The following AMMECR1L variants were observed in gnomAD, a reference collection of about 807,000 sequenced individuals.
AMMECR1L encodes the protein AMMECR1 like.
Under a neutral mutation model 36.8 loss-of-function variants are expected in AMMECR1L, and 4 were observed. That is an observed-to-expected ratio of 0.11 (90% CI 0.05 to 0.25). AMMECR1L has a LOEUF of 0.25. Ranked by LOEUF, AMMECR1L falls within the 10% of genes least tolerant of loss-of-function variation. AMMECR1L has a pLI of 1.00. For synonymous variants in AMMECR1L, 147 were observed against 148.0 expected, an observed-to-expected ratio of 0.99 and a Z score of 0.05; for missense variants, 232 against 392.1, an observed-to-expected ratio of 0.59 and a Z score of 3.45.
chr2:127,880,340 T>C (rs1190008342), intron 2 of AMMECR1L, among the ~76,000 whole-genome samples: 2 of 152,142 alleles, frequency 1.3e-5, no homozygotes, highest in Non-Finnish European at 2.9e-5. Context: ...AAACTAGGTT[T>C]CCACCAGATG....
chr2:127,868,686 C>T (rs1257018510), intron 6 of AMMECR1L, among the ~76,000 whole-genome samples: 1 of 152,080 alleles, frequency 6.6e-6, no homozygotes, highest in African/African-American at 2.4e-5. Flanking sequence ...CTCGATCCAC[C>T]CTACCTTTAA....
chr2:127,879,680 C>T (rs976031501), intron 2 of AMMECR1L, among the ~76,000 whole-genome samples: 8 of 152,174 alleles, frequency 5.3e-5, no homozygotes, highest in Non-Finnish European at 8.8e-5. Flanking sequence ...TCTTTAGGTT[C>T]GAGATTCTCT....
At position 127,871,401 on chromosome 2, in the gene AMMECR1L, A is replaced by G; in HGVS notation, c.408-42T>C. The G allele has an allele frequency of 1.9e-6, 3 of 1,578,978 alleles. No homozygotes were observed. The highest frequency in any genetic ancestry group is 2.6e-6 in the Non-Finnish European group (3 of 1,158,370). On this transcript the variant is annotated intron_variant, in intron 3 of 7. Coordinates refer to ENST00000272647, the MANE Select transcript of AMMECR1L (RefSeq NM_001199140.2). This position sits in a 1 kb window ranked among gnomAD's most constrained non-coding sequence, Gnocchi z 4.3. ...ACAAAACATTCTCCAGCCCCAAATT[A>G]ATCATGGATAAGAACAAAACCTTTT...
At chr2:127,867,201 C>T in intron 6 of AMMECR1L, 1 of 985,490 alleles carries the variant, frequency 1.0e-6, no homozygotes, top group Non-Finnish European at 1.2e-6. Context: ...AGATGATAGC[C>T]CGACACATGC....
intron 2 of AMMECR1L, among the ~76,000 whole-genome samples, chr2:127,882,731 C>A (rs1263844129): frequency 6.6e-6 from 1 of 151,050 alleles, no homozygotes; most frequent in African/African-American, 2.4e-5. Context: ...GTAGCTGGGA[C>A]CACCGCCATG....
intron 6 of AMMECR1L, among the ~76,000 whole-genome samples, chr2:127,867,882 T>A (rs1690766875): frequency 2.0e-5 from 3 of 152,194 alleles, no homozygotes; most frequent in African/African-American, 7.2e-5. Flanking sequence ...TTGCACATTC[T>A]TTTTTTTGAG....
chr2:127,863,620 C>T lies in AMMECR1L; in HGVS notation c.*1474G>A, dbSNP rs1285641470. 1 of 152,646 alleles carries T rather than the reference C, an allele frequency of 6.6e-6. No individual in the cohort carries two copies. Among genetic ancestry groups the T allele is most frequent in the Non-Finnish European group, 1.5e-5 (1 of 68,044 alleles). The allele number at this position is 152,646 out of a possible 1,614,324, so 9.5% of individuals were successfully genotyped here. A position where few individuals can be genotyped will look rare whatever the true frequency, so the allele number is the denominator to read the frequency against. On this transcript the variant is annotated 3_prime_UTR_variant, in exon 8 of 8. Transcript: ENST00000272647. Reference sequence around the variant, plus strand: ...AAAATAAATTAAATAAAAACATGTTCACTGGGTTGACACCCAATCCACTTC... The same window carrying T: ...AAAATAAATTAAATAAAAACATGTTTACTGGGTTGACACCCAATCCACTTC...
chr2:127,867,268 C>T, intron 6 of AMMECR1L: 3 of 985,476 alleles, frequency 3.0e-6, no homozygotes, highest in Non-Finnish European at 3.6e-6. Flanking sequence ...GATGTTACCC[C>T]AGTATAATTA....
rs770093386 is a variant in AMMECR1L, at chr2:127,874,133, G to A, written c.102C>T (p.His34=). The A allele has an allele frequency of 8.7e-6, 14 of 1,614,152 alleles. No individual in the cohort carries two copies. Among genetic ancestry groups the A allele is most frequent in the South Asian group, 3.3e-5 (3 of 91,072 alleles). The change falls in exon 3 of 8, where the codon CAC becomes CAT. Residue 34 remains histidine (H), a synonymous_variant. Transcript: ENST00000272647. The surrounding 1 kb of genome is among the most constrained non-coding windows in gnomAD (Gnocchi z 5.2). The part of the protein sequence containing the change: ...PKLSGSGTHS[H]GNQSTTVPGS... ...CGGGGACAGTTGTGGACTGATTCCC[G>A]TGACTGTGCGTTCCACTTCCAGATA...
chr2:127,864,998 T>C lies in AMMECR1L; in HGVS notation c.*96A>G. 1.2e-6 allele frequency: 1 copy of C among 809,506 alleles called. No individual in the cohort carries two copies. 50.1% of individuals were successfully genotyped at this position (809,506 alleles called of 1,614,324 possible). ...CTAGCATCATAAAATGGTGCAGTAA[T>C]AGAAGTAACTGGACCAGGAAGAGGA... On this transcript the variant is annotated 3_prime_UTR_variant, in exon 8 of 8. Coordinates refer to ENST00000272647, the MANE Select transcript of AMMECR1L (RefSeq NM_001199140.2).
intron 1 of AMMECR1L, chr2:127,885,346 A>T (rs1691714937): frequency 1.0e-6 from 1 of 979,306 alleles, no homozygotes; most frequent in Non-Finnish European, 1.2e-6. Context: ...TGGGGAGACG[A>T]TGGAGCGACG....
chr2:127,869,786 A>G lies in AMMECR1L; in HGVS notation c.634-242T>C, dbSNP rs573072602. On this transcript the variant is annotated intron_variant, in intron 5 of 7. Transcript: ENST00000272647. The surrounding 1 kb of genome is among the most constrained non-coding windows in gnomAD (Gnocchi z 4.7). ...GAGAATATGAAGGTAGGAGAAATGC[A>G]TTCTTTAAGTAATTCATCCAGGAAT... 8.5e-5 allele frequency among the ~76,000 whole-genome samples: 13 copies of G among 152,372 alleles called. No homozygotes were observed. The East Asian group carries it at 1.7e-3, about 20-fold the overall frequency.
Position 127,865,086 on chromosome 2 carries a change from G to A in AMMECR1L, c.*8C>T. The A allele has an allele frequency of 2.5e-6, 4 of 1,610,002 alleles. No homozygotes were observed. Among genetic ancestry groups the A allele is most frequent in the Non-Finnish European group, 3.4e-6 (4 of 1,177,024 alleles). ...ACGGGGGGGTGGGACTGGTCATGCA[G>A]CCGTGTGTCAGGAGTAATGATTGTA... On this transcript the variant is annotated 3_prime_UTR_variant, in exon 8 of 8. Coordinates refer to ENST00000272647, the MANE Select transcript of AMMECR1L (RefSeq NM_001199140.2). This position sits in a 1 kb window ranked among gnomAD's most constrained non-coding sequence, Gnocchi z 5.4.
At chr2:127,884,974 T>G (rs1346355343) in intron 1 of AMMECR1L, 1 of 205,296 alleles carries the variant, frequency 4.9e-6, no homozygotes, top group Non-Finnish European at 8.6e-6. Flanking sequence ...GAGAGGGCAG[T>G]GAAAGAGGAT....
At chr2:127,881,902 C>G (rs187908793) in intron 2 of AMMECR1L, among the ~76,000 whole-genome samples, 6 of 152,302 alleles carry the variant, frequency 3.9e-5, no homozygotes, top group Admixed American at 3.9e-4. Context: ...AAATCATCCA[C>G]TGTTTCTTTT....
At chr2:127,879,160 AG>A (rs1691377539) in intron 2 of AMMECR1L, among the ~76,000 whole-genome samples, 1 of 152,182 alleles carries the variant, frequency 6.6e-6, no homozygotes, top group East Asian at 1.9e-4. Flanking sequence ...AACTTGATAC[AG>A]TTTGCGTGTT....
chr2:127,875,180 T>A (rs890931869), intron 2 of AMMECR1L, among the ~76,000 whole-genome samples: 1 of 152,144 alleles, frequency 6.6e-6, no homozygotes, highest in Non-Finnish European at 1.5e-5. Flanking sequence ...GTTTTTTTCT[T>A]TAAAAGCCCG....
intron 6 of AMMECR1L, chr2:127,867,331 T>C (rs1690735041): frequency 1.0e-6 from 1 of 982,618 alleles, no homozygotes; most frequent in Non-Finnish European, 1.2e-6. Context: ...CTAGTGCTGG[T>C]ACCCAAGGCT....
At chr2:127,866,873 G>T (rs1340672147) in intron 7 of AMMECR1L, 27 bp downstream of exon 7, 2 of 1,597,218 alleles carry the variant, frequency 1.3e-6, no homozygotes. Context: ...AAATTGAAAT[G>T]ATAAGGAAAA....
Sources: gnomAD v4.1 joint callset for allele counts (sites outside exome capture counted in the v4.1 genomes callset) on GRCh38, gnomAD v4.1.1 for gene constraint, Gnocchi (gnomAD v3.1) non-coding constraint, MANE v1.5 for transcripts, NCBI Gene and HGNC (gene_info 2026-07-23, HGNC 2026-07-21) for gene names.